The following RPS6KC1 variants were observed in gnomAD, a reference collection of about 807,000 sequenced individuals.
RPS6KC1 encodes the protein inactive ribosomal protein S6 kinase delta-1.
In RPS6KC1, 54 loss-of-function variants were observed where a neutral mutation model predicts 103.8. The ratio of observed to expected loss-of-function variants is 0.52; its 90% CI spans 0.42 to 0.65. The LOEUF (loss-of-function observed/expected upper bound fraction) is 0.65, where lower values mean the gene tolerates loss of function less well. Ranked by LOEUF, RPS6KC1 falls within the 30% of genes least tolerant of loss-of-function variation. The pLI is 0.00. For missense variants in RPS6KC1, 1,151 were observed against 1,253.8 expected, an observed-to-expected ratio of 0.92 and a Z score of 1.24; for synonymous variants, 439 against 438.7, an observed-to-expected ratio of 1.00 and a Z score of -0.01.
the RPS6KC1 span, among the ~76,000 whole-genome samples, chr1:213,596,965 C>G: frequency 7.2e-5 from 11 of 152,162 alleles, no homozygotes; most frequent in African/African-American, 2.7e-4. Context: ...TGTGGCTGGA[C>G]AGAGACATTT....
intron 8 of RPS6KC1, among the ~76,000 whole-genome samples, chr1:213,212,782 A>G (rs2093549110): frequency 6.6e-6 from 1 of 152,188 alleles, no homozygotes. Context: ...CAATTCTAGT[A>G]GGTATGTAGT....
the RPS6KC1 span, among the ~76,000 whole-genome samples, chr1:213,498,370 A>G: frequency 6.6e-6 from 1 of 152,242 alleles, no homozygotes; most frequent in African/African-American, 2.4e-5. Flanking sequence ...ATTAATCACA[A>G]TAGTTCAGAT....
chr1:213,193,183 A>AAGG (rs930077439), intron 8 of RPS6KC1, among the ~76,000 whole-genome samples: 9 of 152,110 alleles, frequency 5.9e-5, no homozygotes, highest in Admixed American at 5.9e-4. Flanking sequence ...TAGCCATTGG[A>AAGG]AGGAGTGTTC....
In RPS6KC1 at chr1:213,180,774, C is replaced by T. The variant is rs546208332; in HGVS notation, c.1044+4282C>T. Among the ~76,000 whole-genome samples the T allele has an allele frequency of 9.9e-5, 15 of 151,888 alleles. 1 individual carries two copies. The highest frequency in any genetic ancestry group is 2.6e-4 in the Admixed American group (4 of 15,264). On this transcript the variant is annotated intron_variant, in intron 8 of 14. Transcript: ENST00000366960. ...GTTGTATTTGTGTGGTACGAATATA[C>T]GGGATGTGCTTATATTTGTATGTGT...
At chr1:213,313,770 G>T in the RPS6KC1 span, among the ~76,000 whole-genome samples, 1 of 152,082 alleles carries the variant, frequency 6.6e-6, no homozygotes, top group Non-Finnish European at 1.5e-5. Flanking sequence ...TGAGACCACG[G>T]TGAAACCCCA....
At chr1:213,661,109 G>C in the RPS6KC1 span, among the ~76,000 whole-genome samples, 6 of 152,142 alleles carry the variant, frequency 3.9e-5, no homozygotes, top group Non-Finnish European at 8.8e-5. Context: ...TTTTATCGCA[G>C]CCTTCAGACC....
At chr1:213,215,125 C>A (rs751748051) in intron 8 of RPS6KC1, among the ~76,000 whole-genome samples, 2 of 152,024 alleles carry the variant, frequency 1.3e-5, no homozygotes, top group Non-Finnish European at 2.9e-5. Flanking sequence ...CGTTAAAAAC[C>A]CTGAAAAAAG....
At chr1:213,238,773 G>A (rs1044292246) in intron 10 of RPS6KC1, among the ~76,000 whole-genome samples, 2 of 152,156 alleles carry the variant, frequency 1.3e-5, no homozygotes, top group African/African-American at 2.4e-5. Flanking sequence ...CTCATCATCT[G>A]ATTTAACAAG....
chr1:213,745,610 T>C, the RPS6KC1 span, among the ~76,000 whole-genome samples: 1 of 151,994 alleles, frequency 6.6e-6, no homozygotes, highest in African/African-American at 2.4e-5. Context: ...GCCCCACCTC[T>C]GTCCCCCAGG....
chr1:213,334,044 G>A, the RPS6KC1 span, among the ~76,000 whole-genome samples: 1 of 152,112 alleles, frequency 6.6e-6, no homozygotes, highest in Non-Finnish European at 1.5e-5. Flanking sequence ...GAATGGGATT[G>A]GTACTACCTG....
the RPS6KC1 span, among the ~76,000 whole-genome samples, chr1:213,743,281 C>T: frequency 6.6e-6 from 1 of 152,148 alleles, no homozygotes; most frequent in Non-Finnish European, 1.5e-5. Flanking sequence ...CAAATTAGCA[C>T]AGGAATAGAA....
intron 8 of RPS6KC1, among the ~76,000 whole-genome samples, chr1:213,192,227 C>T (rs1473861282): frequency 2.0e-5 from 3 of 152,206 alleles, no homozygotes; most frequent in African/African-American, 7.2e-5. Flanking sequence ...CCTTGCTTCC[C>T]TGGGATAAAT....
intron 3 of RPS6KC1, among the ~76,000 whole-genome samples, chr1:213,085,745 C>T (rs2080336526): frequency 6.6e-6 from 1 of 151,930 alleles, no homozygotes; most frequent in Non-Finnish European, 1.5e-5. Flanking sequence ...ATATTGTATC[C>T]ATGAATCTGT....
the RPS6KC1 span, among the ~76,000 whole-genome samples, chr1:213,609,944 A>T: frequency 6.6e-4 from 100 of 152,106 alleles, no homozygotes; most frequent in African/African-American, 2.3e-3. Context: ...ATGTTATTTT[A>T]TAATCTTCTG....
the RPS6KC1 span, among the ~76,000 whole-genome samples, chr1:213,566,437 G>GTTTTTTTTTTTTTTTTTTTTTTTTTTTT: frequency 1.4e-4 from 7 of 48,526 alleles, no homozygotes; most frequent in Admixed American, 2.8e-4. Context: ...TCAGCCTTTA[G>GTTTTTTTTTTTTTTTTTTTTTTTTTTTT]TTTTTTTTTT....
At chr1:213,140,888 C>G (rs2086942840) in intron 6 of RPS6KC1, among the ~76,000 whole-genome samples, 1 of 144,606 alleles carries the variant, frequency 6.9e-6, no homozygotes, top group Non-Finnish European at 1.5e-5. Context: ...GGATTGGTAC[C>G]TCCTCATTTT....
chr1:213,673,639 G>C, the RPS6KC1 span, among the ~76,000 whole-genome samples: 1 of 150,024 alleles, frequency 6.7e-6, no homozygotes, highest in African/African-American at 2.5e-5. Context: ...CAAAGAGAGA[G>C]AAGTACTTTT....
chr1:213,721,360 T>TG, the RPS6KC1 span, among the ~76,000 whole-genome samples: 27 of 152,182 alleles, frequency 1.8e-4, no homozygotes, highest in African/African-American at 6.5e-4. Context: ...GATTGAATCA[T>TG]GGCGGTGGTT....
chr1:213,607,640 T>C, the RPS6KC1 span, among the ~76,000 whole-genome samples: 1 of 151,104 alleles, frequency 6.6e-6, no homozygotes, highest in Admixed American at 6.6e-5. Context: ...ACATTTAAGA[T>C]GCTAGCCTGT....
Sources: gnomAD v4.1 joint callset for allele counts (sites outside exome capture counted in the v4.1 genomes callset) on GRCh38, gnomAD v4.1.1 for gene constraint, MANE v1.5 for transcripts, NCBI Gene and HGNC (gene_info 2026-07-23, HGNC 2026-07-21) for gene names.